The following STAT1 variants were observed in gnomAD, a reference collection of about 807,000 sequenced individuals.
The protein encoded by STAT1 is signal transducer and activator of transcription 1.
A neutral mutation model predicts 111.7 loss-of-function variants in STAT1; 24 were observed. The observed-to-expected ratio is 0.21, with a 90% CI of 0.16 to 0.30. STAT1 has a LOEUF of 0.30. Among genes scored for constraint, STAT1 ranks in the 10% least tolerant of loss-of-function variants. The pLI is 1.00. For synonymous variants in STAT1, 332 were observed against 326.5 expected (o/e 1.02, Z -0.18); for missense variants, 351 against 911.9 (o/e 0.38, Z 7.92).
rs1692829183 is a variant in STAT1, at chr2:190,986,481, A to C, written c.1221+373T>G. On this transcript the variant is annotated intron_variant, in intron 14 of 24. Coordinates refer to ENST00000361099, the MANE Select transcript of STAT1 (RefSeq NM_007315.4). The surrounding 1 kb of genome is among the most constrained non-coding windows in gnomAD (Gnocchi z 5.0). ...AGGGGAACACGGGGGCTGAGGAGTG[A>C]ACCCTGGTGTACAGGACCACACTTG... 6.6e-6 allele frequency among the ~76,000 whole-genome samples: 1 copy of C among 152,174 alleles called. No individual in the cohort carries two copies. The highest frequency in any genetic ancestry group is 2.4e-5 in the African/African-American group (1 of 41,436).
intron 2 of STAT1, among the ~76,000 whole-genome samples, chr2:191,010,850 T>C (rs1479942845): frequency 1.3e-5 from 2 of 152,234 alleles, no homozygotes; most frequent in Non-Finnish European, 2.9e-5. Flanking sequence ...CATTTTTACA[T>C]AGTGATCCTA....
rs760488371 is a variant in STAT1 at position 190,974,182 on chromosome 2, C to T, written c.2238+648G>A. ...AGAGGAAGGATTTTAGGCTGAAAGG[C>T]AAACAATACTAGTTGATATACTAAA... is the stretch of plus-strand genomic sequence containing the variant. On this transcript the variant is annotated intron_variant, in intron 24 of 24. Coordinates refer to ENST00000361099, the MANE Select transcript of STAT1 (RefSeq NM_007315.4). This position sits in a 1 kb window ranked among gnomAD's most constrained non-coding sequence, Gnocchi z 4.8. Among the ~76,000 whole-genome samples, 5 of 146,122 alleles carry T rather than the reference C, an allele frequency of 3.4e-5. No individual in the cohort carries two copies. Among genetic ancestry groups the T allele is most frequent in the Admixed American group, 1.4e-4 (2 of 14,350 alleles).
Position 190,976,509 on chromosome 2 carries a change from A to G in STAT1, c.2059+331T>C, listed in dbSNP as rs575917953. Among the ~76,000 whole-genome samples the G allele has an allele frequency of 5.3e-5, 8 of 152,256 alleles. No individual in the cohort carries two copies. Among genetic ancestry groups the G allele is most frequent in the African/African-American group, 1.7e-4 (7 of 41,538 alleles). On this transcript the variant is annotated intron_variant, in intron 22 of 24. Transcript: ENST00000361099. The surrounding 1 kb of genome is among the most constrained non-coding windows in gnomAD (Gnocchi z 6.0). ...CTTCTCCCAGGCCTCAGTTTCCTCA[A>G]CTTTAACGTGAGCAAGATGCCTTCT...
rs1445162851 is a variant in STAT1, at chr2:191,012,409, C to CT, written c.-2+1115dup. On this transcript the variant is annotated intron_variant, in intron 2 of 24. Transcript: ENST00000361099. This position sits in a 1 kb window ranked among gnomAD's most constrained non-coding sequence, Gnocchi z 4.0. The stretch of plus-strand genomic sequence containing the variant: ...CCAGCCTGGGAGACAGAGAGAGACT[C>CT]TGTCTCTAAAAAAAAAAAACAATGA... 7.2e-6 allele frequency among the ~76,000 whole-genome samples: 1 copy of CT among 138,442 alleles called. No homozygotes were observed. The highest frequency in any genetic ancestry group is 1.5e-5 in the Non-Finnish European group (1 of 65,440). The allele number at this position is 138,442 out of a possible 152,430, so 90.8% of individuals were successfully genotyped here.
intron 15 of STAT1, 104 bp downstream of exon 15, chr2:190,985,515 G>T: frequency 8.7e-7 from 1 of 1,151,410 alleles, no homozygotes; most frequent in Non-Finnish European, 1.3e-6. Flanking sequence ...CTTCCCTGAT[G>T]GGTCTGAACT....
Position 190,982,485 on chromosome 2 carries a change from G to A in STAT1, c.1480C>T (p.Arg494Ter). The change falls in exon 18 of 25, where the codon CGA (arginine) becomes TGA (stop). Residue 494 changes from arginine (R) to a stop codon, truncating the protein, a stop_gained. Coordinates refer to ENST00000361099, the MANE Select transcript of STAT1 (RefSeq NM_007315.4). LOFTEE classifies it high-confidence loss of function. This position sits in a 1 kb window ranked among gnomAD's most constrained non-coding sequence, Gnocchi z 7.3. ...LSFFLTPPCARWAQLSEVLSW... is the reference protein window; with the variant it reads ...LSFFLTPPCA ...AGCACTTCTGAAAGCTGAGCCCATC[G>A]TGCACATGGTGGAGTCAGGAAGAAG... 2 of 1,614,166 alleles carry A rather than the reference G, an allele frequency of 1.2e-6. No homozygotes were observed. Among genetic ancestry groups the A allele is most frequent in the Non-Finnish European group, 1.7e-6 (2 of 1,180,034 alleles).
rs1692809683 is a variant in STAT1 at position 190,986,283 on chromosome 2, G to C, written c.1221+571C>G. Reference sequence around the variant, plus strand: ...GAAAGCTTCGGACTCAGCACCCACAGAGCCTCACAGCAACTGGCAGCCCCC... The same window carrying C: ...GAAAGCTTCGGACTCAGCACCCACACAGCCTCACAGCAACTGGCAGCCCCC... On this transcript the variant is annotated intron_variant, in intron 14 of 24. Transcript: ENST00000361099. This position sits in a 1 kb window ranked among gnomAD's most constrained non-coding sequence, Gnocchi z 5.0. Among the ~76,000 whole-genome samples the C allele has an allele frequency of 2.0e-5, 3 of 152,180 alleles. No individual in the cohort carries two copies. Among genetic ancestry groups the C allele is most frequent in the African/African-American group, 4.8e-5 (2 of 41,442 alleles).
chr2:190,990,340 C>G lies in STAT1; in HGVS notation c.1038-666G>C, dbSNP rs41384345. Among the ~76,000 whole-genome samples the G allele has an allele frequency of 5.9e-3, 896 of 152,210 alleles. 4 individuals carry two copies. The highest frequency in any genetic ancestry group is 0.01 in the Middle Eastern group (3 of 294). The stretch of plus-strand genomic sequence containing the variant: ...TCAGTGTGACATTGTACCTACCAGC[C>G]AGGGAGGGTTAACCACAGACTTAAA... On this transcript the variant is annotated intron_variant, in intron 11 of 24. Transcript: ENST00000361099. This position sits in a 1 kb window ranked among gnomAD's most constrained non-coding sequence, Gnocchi z 5.1.
At chr2:190,985,924 G>T (rs2125030711) in intron 14 of STAT1, among the ~76,000 whole-genome samples, 1 of 152,304 alleles carries the variant, frequency 6.6e-6, no homozygotes, top group South Asian at 2.1e-4. Context: ...AACTTTCCCT[G>T]AATGTTTCCC....
rs184672074 is a variant in STAT1, at chr2:190,990,518, A to G, written c.1037+710T>C. On this transcript the variant is annotated intron_variant, in intron 11 of 24. Transcript: ENST00000361099. This position sits in a 1 kb window ranked among gnomAD's most constrained non-coding sequence, Gnocchi z 5.1. ...ACATATTCCTGGAAACACTTCTACAATTAGTATCGAGGAGAAAGACTACAA... is the reference window on the plus strand; with the variant it reads ...ACATATTCCTGGAAACACTTCTACAGTTAGTATCGAGGAGAAAGACTACAA... Among the ~76,000 whole-genome samples the G allele has an allele frequency of 5.4e-4, 83 of 152,348 alleles. No homozygotes were observed. The highest frequency in any genetic ancestry group is 1.8e-3 in the African/African-American group (76 of 41,582).
chr2:191,003,965 C>A lies in STAT1; in HGVS notation c.373-2802G>T, dbSNP rs1332776489. ...GATATAAACAATGGCTGTAAAACAGCAGCTACATCCCCAGCTTCTACATCC... is the reference window on the plus strand; with the variant it reads ...GATATAAACAATGGCTGTAAAACAGAAGCTACATCCCCAGCTTCTACATCC... On this transcript the variant is annotated intron_variant, in intron 5 of 24. Coordinates refer to ENST00000361099, the MANE Select transcript of STAT1 (RefSeq NM_007315.4). The surrounding 1 kb of genome is among the most constrained non-coding windows in gnomAD (Gnocchi z 4.0). Among the ~76,000 whole-genome samples the A allele has an allele frequency of 6.6e-6, 1 of 152,220 alleles. No homozygotes were observed. Among genetic ancestry groups the A allele is most frequent in the African/African-American group, 2.4e-5 (1 of 41,448 alleles).
chr2:191,010,255 C>G, intron 2 of STAT1: 1 of 496,628 alleles, frequency 2.0e-6, no homozygotes, highest in Non-Finnish European at 3.9e-6. Context: ...ATCAGGGCAG[C>G]CTTCTCTGGC....
intron 10 of STAT1, 122 bp downstream of exon 10, chr2:190,994,939 T>G (rs1422938821): frequency 5.3e-6 from 1 of 189,172 alleles, no homozygotes. Context: ...TATATATATA[T>G]ATATATATAT....
intron 15 of STAT1, among the ~76,000 whole-genome samples, chr2:190,985,120 T>C (rs1190535810): frequency 6.6e-6 from 1 of 152,244 alleles, no homozygotes; most frequent in Non-Finnish European, 1.5e-5. Context: ...CCTTTGTCCA[T>C]AGTTCATTTC....
rs1476328098 is a variant in STAT1, at chr2:191,007,564, T to G, written c.371A>C (p.Gln124Pro). ...KILENAQRFNQAQSGNIQSTV... is the reference protein window; with the variant it reads ...KILENAQRFNPAQSGNIQSTV... ...ATGTGTTCAATGAGAAAAAAGTACC[T>G]GATTAAATCTCTGGGCGTTTTCCAG... Residue 124 changes from glutamine to proline, a missense_variant and splice_region_variant, in exon 5 of 25, where the codon CAG becomes CCG. By Grantham distance (76) the Gln-to-Pro change is moderately conservative. Around this residue, in one of 7 missense-constraint regions of STAT1, gnomAD observed 20 missense variants for 18.4 expected, o/e 1.09. Transcript: ENST00000361099. The surrounding 1 kb of genome is among the most constrained non-coding windows in gnomAD (Gnocchi z 4.2). 6.2e-7 allele frequency: 1 copy of G among 1,609,106 alleles called. No homozygotes were observed. The highest frequency in any genetic ancestry group is 1.3e-5 in the African/African-American group (1 of 74,836).
At chr2:191,001,237 A>C in intron 5 of STAT1, 74 bp from the exon 6 acceptor site, 1 of 1,150,542 alleles carries the variant, frequency 8.7e-7, no homozygotes, top group Non-Finnish European at 1.3e-6. Flanking sequence ...CTCCAAAGTC[A>C]AGTCCCCACT....
chr2:190,992,585 C>CA, intron 10 of STAT1: 1 of 630,472 alleles, frequency 1.6e-6, no homozygotes. Flanking sequence ...TTTGTTTCTT[C>CA]ACTTGGGTTC....
Position 190,982,563 on chromosome 2 carries a change from C to G in STAT1, c.1447-45G>C. 6.2e-7 allele frequency: 1 copy of G among 1,608,944 alleles called. No individual in the cohort carries two copies. The highest frequency in any genetic ancestry group is 8.5e-7 in the Non-Finnish European group (1 of 1,175,380). ...AATCTAAGGGTTACTACAGAGACAC[C>G]AGTCACAAGTGTGGCACTAAAACAT... On this transcript the variant is annotated intron_variant, in intron 17 of 24. Transcript: ENST00000361099. The surrounding 1 kb of genome is among the most constrained non-coding windows in gnomAD (Gnocchi z 7.3).
rs1691456209 is a variant in STAT1, at chr2:190,971,466, C to A, written c.2239-749G>T. On this transcript the variant is annotated intron_variant, in intron 24 of 24. Transcript: ENST00000361099. The surrounding 1 kb of genome is among the most constrained non-coding windows in gnomAD (Gnocchi z 4.1). ...GTGTTGCTGAACCTCCTACGAAGCA[C>A]AGGAAAGCTCCCCACCCCACCAATC... 1.3e-5 allele frequency among the ~76,000 whole-genome samples: 2 copies of A among 152,116 alleles called. No individual in the cohort carries two copies. Among genetic ancestry groups the A allele is most frequent in the African/African-American group, 2.4e-5 (1 of 41,402 alleles).
Sources: allele counts gnomAD v4.1 joint callset (sites outside exome capture counted in the v4.1 genomes callset), GRCh38; gene constraint gnomAD v4.1.1; regional missense constraint gnomAD v4.1.1; non-coding constraint Gnocchi (gnomAD v3.1); transcripts MANE v1.5; gene names NCBI Gene and HGNC (gene_info 2026-07-23, HGNC 2026-07-21).